RIMS2: variants seen among roughly 807,000 people sequenced by gnomAD.
RIMS2 encodes regulating synaptic membrane exocytosis protein 2.
In RIMS2, 59 loss-of-function variants were observed where a neutral mutation model predicts 174.4. That is an observed-to-expected ratio of 0.34 (90% CI 0.27 to 0.42). The LOEUF (loss-of-function observed/expected upper bound fraction) is 0.42, where lower values mean the gene tolerates loss of function less well. RIMS2 is among the 10% of genes least tolerant of loss of function. The pLI, the probability that RIMS2 is intolerant of heterozygous loss-of-function variation, is 1.00. For missense variants in RIMS2, 1,620 were observed against 1,666.3 expected, an observed-to-expected ratio of 0.97 and a Z score of 0.48; for synonymous variants, 606 against 572.5, an observed-to-expected ratio of 1.06 and a Z score of -0.84.
intron 16 of RIMS2, among the ~76,000 whole-genome samples, chr8:103,978,567 G>C (rs2093640924): frequency 6.6e-6 from 1 of 152,216 alleles, no homozygotes; most frequent in Non-Finnish European, 1.5e-5. Context: ...ATGCTCATAA[G>C]GCCATTTCTG....
intron 3 of RIMS2, among the ~76,000 whole-genome samples, chr8:103,818,687 A>G (rs2098733216): frequency 6.6e-6 from 1 of 152,216 alleles, no homozygotes; most frequent in African/African-American, 2.4e-5. Flanking sequence ...TTCTAAAATT[A>G]TGTGAATAAC....
At chr8:103,693,581 G>T (rs187028791) in intron 1 of RIMS2, among the ~76,000 whole-genome samples, 6 of 152,290 alleles carry the variant, frequency 3.9e-5, no homozygotes, top group Admixed American at 2.0e-4. Flanking sequence ...ACTTATTCCA[G>T]TCTGTTTAGA....
chr8:103,877,673 C>A (rs1284571102), intron 3 of RIMS2, among the ~76,000 whole-genome samples: 1 of 151,658 alleles, frequency 6.6e-6, no homozygotes, highest in African/African-American at 2.4e-5. Flanking sequence ...GTGATGACTC[C>A]AGCTTTGTTC....
In RIMS2 at chr8:104,033,415, A is replaced by G. The variant is rs62527152; in HGVS notation, c.3334+18800A>G. Among the ~76,000 whole-genome samples the G allele has an allele frequency of 6.2e-3, 939 of 152,172 alleles. 13 individuals are homozygous for G. The highest frequency in any genetic ancestry group is 7.6e-3 in the Non-Finnish European group (519 of 67,918). On this transcript the variant is annotated intron_variant, in intron 19 of 23. Coordinates refer to ENST00000504942, the Ensembl canonical transcript of RIMS2. ...TTATTTATTTGTTGTCCACTTTGTC[A>G]TCATGTCCAATACATGAATATGTTT...
chr8:104,196,826 CA>C (rs1206430931), intron 19 of RIMS2, among the ~76,000 whole-genome samples: 1 of 151,708 alleles, frequency 6.6e-6, no homozygotes, highest in Non-Finnish European at 1.5e-5. Context: ...TTTTAAGTTG[CA>C]AAAAAGATTT....
intron 19 of RIMS2, among the ~76,000 whole-genome samples, chr8:104,048,919 C>G (rs2096738865): frequency 6.6e-6 from 1 of 151,924 alleles, no homozygotes; most frequent in African/African-American, 2.4e-5. Flanking sequence ...TAAGCAAAAT[C>G]AGTAGGATTT....
rs71297263 is a variant in RIMS2 at position 104,173,920 on chromosome 8, G to GATTTATTTATTTATTT, written c.3335-70969_3335-70954dup. Among the ~76,000 whole-genome samples the GATTTATTTATTTATTT allele has an allele frequency of 1.5e-3, 211 of 139,018 alleles. 1 individual carries two copies. Among genetic ancestry groups the GATTTATTTATTTATTT allele is most frequent in the East Asian group, 5.8e-3 (27 of 4,694 alleles). The allele number at this position is 139,018 out of a possible 152,430, so 91.2% of individuals were successfully genotyped here. ...CTAGAAGTAATGGGTAATGTTAAAGGATTTATTTATTTATTTATTTATTTA... is the reference window on the plus strand; with the variant it reads ...CTAGAAGTAATGGGTAATGTTAAAGGATTTATTTATTTATTTATTTATTTATTTATTTATTTATTTA... On this transcript the variant is annotated intron_variant, in intron 19 of 23. Transcript: ENST00000504942.
At chr8:104,092,747 G>T (rs1325227453) in intron 19 of RIMS2, among the ~76,000 whole-genome samples, 2 of 151,642 alleles carry the variant, frequency 1.3e-5, no homozygotes, top group Non-Finnish European at 3.0e-5. Flanking sequence ...ATGATTTTTT[G>T]TTGTCAAAAT....
At chr8:103,503,062 CAA>C (rs1821234955) in intron 1 of RIMS2, among the ~76,000 whole-genome samples, 1 of 151,768 alleles carries the variant, frequency 6.6e-6, no homozygotes, top group African/African-American at 2.4e-5. Context: ...TAGATAGAAA[CAA>C]ATGTTCTCTA....
chr8:103,912,283 T>G, intron 6 of RIMS2, 111 bp downstream of exon 9: 1 of 712,826 alleles, frequency 1.4e-6, no homozygotes, highest in Non-Finnish European at 2.2e-6. Context: ...TTTTCCATTT[T>G]CAATAGTTTG....
intron 4 of RIMS2, among the ~76,000 whole-genome samples, chr8:103,897,800 A>G (rs1035883582): frequency 6.6e-6 from 1 of 151,656 alleles, no homozygotes; most frequent in Non-Finnish European, 1.5e-5. Flanking sequence ...TAAATTGTAT[A>G]TGGCTTCTTT....
intron 19 of RIMS2, among the ~76,000 whole-genome samples, chr8:104,059,783 T>A (rs1356166044): frequency 6.6e-6 from 1 of 151,886 alleles, no homozygotes; most frequent in East Asian, 1.9e-4. Flanking sequence ...GCATGAAGGG[T>A]TGTTGAATTT....
chr8:103,709,704 T>C (rs1411942070), intron 2 of RIMS2, among the ~76,000 whole-genome samples: 1 of 152,100 alleles, frequency 6.6e-6, no homozygotes, highest in Admixed American at 6.6e-5. Context: ...CCCTTGAGTA[T>C]TTTTCTCATA....
intron 2 of RIMS2, among the ~76,000 whole-genome samples, chr8:103,748,180 A>C (rs1475593493): frequency 6.6e-6 from 1 of 151,964 alleles, no homozygotes; most frequent in Non-Finnish European, 1.5e-5. Flanking sequence ...GGTGGCTCAC[A>C]CCTGTAATCC....
At chr8:104,059,941 G>C (rs893045840) in intron 19 of RIMS2, among the ~76,000 whole-genome samples, 4 of 152,086 alleles carry the variant, frequency 2.6e-5, no homozygotes, top group African/African-American at 9.7e-5. Context: ...TGGTGGATAA[G>C]CTTTTTGATG....
At chr8:103,910,013 G>T in intron 4 of RIMS2, 1 of 583,310 alleles carries the variant, frequency 1.7e-6, no homozygotes. Context: ...TATATAGTGA[G>T]TGCTACAGAC....
chr8:104,188,615 A>G (rs1481573957), intron 19 of RIMS2, among the ~76,000 whole-genome samples: 1 of 151,856 alleles, frequency 6.6e-6, no homozygotes, highest in African/African-American at 2.4e-5. Flanking sequence ...GAGATGTAGT[A>G]TCCAAATTAC....
At chr8:103,732,437 C>T (rs1257739335) in intron 2 of RIMS2, among the ~76,000 whole-genome samples, 1 of 152,144 alleles carries the variant, frequency 6.6e-6, no homozygotes, top group Non-Finnish European at 1.5e-5. Context: ...CCGCAGTGAC[C>T]ACTGGTGAAC....
intron 17 of RIMS2, among the ~76,000 whole-genome samples, chr8:103,996,992 A>G (rs2095142122): frequency 6.6e-6 from 1 of 151,834 alleles, no homozygotes; most frequent in Non-Finnish European, 1.5e-5. Context: ...TCTAATACCA[A>G]ACGTAAGTGG....
Sources: gnomAD v4.1 joint callset for allele counts (sites outside exome capture counted in the v4.1 genomes callset) on GRCh38, gnomAD v4.1.1 for gene constraint, MANE v1.5 for transcripts, NCBI Gene and HGNC (gene_info 2026-07-23, HGNC 2026-07-21) for gene names.